The following ENTREP1 variants were observed in gnomAD, a reference collection of about 807,000 sequenced individuals.
ENTREP1 encodes the protein Friedreich ataxia region gene X123.
At chr9:69,338,285 G>T in the ENTREP1 span, among the ~76,000 whole-genome samples, 1 of 152,122 alleles carries the variant, frequency 6.6e-6, no homozygotes, top group Non-Finnish European at 1.5e-5. Context: ...AAAAATTTTG[G>T]TTGGTGTTTA....
the ENTREP1 span, chr9:69,325,419 C>A: frequency 1.0e-6 from 1 of 998,038 alleles, no homozygotes; most frequent in Non-Finnish European, 1.2e-6. Flanking sequence ...CAGGAGCCGC[C>A]GCTGCCCCCG....
the ENTREP1 span, chr9:69,382,876 T>C: frequency 9.5e-5 from 27 of 284,528 alleles, no homozygotes; most frequent in Non-Finnish European, 2.6e-5. Flanking sequence ...TGTTCTCTTT[T>C]TTTTTCTTTC....
the ENTREP1 span, chr9:69,386,444 C>G: frequency 2.2e-5 from 1 of 45,786 alleles, no homozygotes; most frequent in Non-Finnish European, 4.8e-5. Flanking sequence ...TCACCTCTCT[C>G]TCTGTGTTGT....
At chr9:69,363,778 A>G in the ENTREP1 span, among the ~76,000 whole-genome samples, 2 of 152,170 alleles carry the variant, frequency 1.3e-5, no homozygotes, top group Non-Finnish European at 1.5e-5. Context: ...TGGAGACCAG[A>G]GGGCAGAGTA....
At chr9:69,382,982 T>A in the ENTREP1 span, 1 of 977,932 alleles carries the variant, frequency 1.0e-6, no homozygotes, top group Non-Finnish European at 1.2e-6. Flanking sequence ...ATCTAGATCA[T>A]CTGGTACCTT....
chr9:69,365,923 C>T, the ENTREP1 span, among the ~76,000 whole-genome samples: 4 of 152,060 alleles, frequency 2.6e-5, no homozygotes, highest in African/African-American at 4.8e-5. Flanking sequence ...TTTATTCATT[C>T]GTCTGTTGAT....
chr9:69,344,084 C>A, the ENTREP1 span, among the ~76,000 whole-genome samples: 1 of 152,214 alleles, frequency 6.6e-6, no homozygotes, highest in Non-Finnish European at 1.5e-5. Context: ...ACCAGTCCTG[C>A]ATCCAGGTTG....
the ENTREP1 span, chr9:69,377,615 A>T: frequency 6.2e-7 from 1 of 1,613,980 alleles, no homozygotes; most frequent in Non-Finnish European, 8.5e-7. Context: ...AATCAGGATG[A>T]ATCCCAGATT....
At chr9:69,381,645 T>TAAA in the ENTREP1 span, 1 of 152,044 alleles carries the variant, frequency 6.6e-6, no homozygotes, top group Non-Finnish European at 1.5e-5. Flanking sequence ...AAACAGTAGT[T>TAAA]AAAAACAAAA....
chr9:69,387,495 T>C, the ENTREP1 span: 818 of 192,188 alleles, frequency 4.3e-3, 9 homozygotes, highest in African/African-American at 0.015. Context: ...CCCTTGCTGA[T>C]ATAGGCAGCC....
the ENTREP1 span, among the ~76,000 whole-genome samples, chr9:69,376,145 C>T: frequency 6.6e-6 from 1 of 152,192 alleles, no homozygotes; most frequent in Non-Finnish European, 1.5e-5. Flanking sequence ...TACACATACA[C>T]ACATATTTCC....
At chr9:69,353,347 C>G in the ENTREP1 span, among the ~76,000 whole-genome samples, 1 of 152,170 alleles carries the variant, frequency 6.6e-6, no homozygotes, top group Non-Finnish European at 1.5e-5. Flanking sequence ...GAGCAAATAG[C>G]ACAATTAACT....
the ENTREP1 span, chr9:69,391,742 C>T: frequency 3.8e-5 from 61 of 1,613,744 alleles, no homozygotes; most frequent in African/African-American, 2.0e-4. Flanking sequence ...GAGGAGGCCC[C>T]GGCGAGTGGA....
chr9:69,386,068 C>A, the ENTREP1 span: 2 of 830,476 alleles, frequency 2.4e-6, no homozygotes, highest in Non-Finnish European at 3.4e-6. Context: ...TTTGAAGGAG[C>A]TTATGAGGTC....
the ENTREP1 span, among the ~76,000 whole-genome samples, chr9:69,372,478 C>G: frequency 6.6e-6 from 1 of 152,168 alleles, no homozygotes; most frequent in Non-Finnish European, 1.5e-5. Flanking sequence ...TTAGCATCAT[C>G]TCCTCAAGGT....
chr9:69,386,273 AG>A, the ENTREP1 span: 1 of 186,586 alleles, frequency 5.4e-6, no homozygotes, highest in African/African-American at 2.3e-5. Context: ...GCAATCCTAT[AG>A]GAATATGCAT....
At chr9:69,335,617 A>G in the ENTREP1 span, among the ~76,000 whole-genome samples, 1 of 152,232 alleles carries the variant, frequency 6.6e-6, no homozygotes, top group East Asian at 1.9e-4. Flanking sequence ...CCCATTTCGA[A>G]GACTTTACCT....
At chr9:69,331,000 T>A in the ENTREP1 span, among the ~76,000 whole-genome samples, 1 of 151,574 alleles carries the variant, frequency 6.6e-6, no homozygotes, top group African/African-American at 2.4e-5. Flanking sequence ...ATAGTTACCA[T>A]CATGTTTTCA....
the ENTREP1 span, chr9:69,329,640 C>A: frequency 1.0e-6 from 1 of 985,170 alleles, no homozygotes; most frequent in African/African-American, 1.7e-5. Context: ...TTATTATTCC[C>A]AAAATTCGTG....
Sources: allele counts gnomAD v4.1 joint callset (sites outside exome capture counted in the v4.1 genomes callset), GRCh38; gene constraint gnomAD v4.1.1; transcripts MANE v1.5; gene names NCBI Gene and HGNC (gene_info 2026-07-23, HGNC 2026-07-21).